TRAPPC9: variants seen among roughly 807,000 people sequenced by gnomAD.
TRAPPC9 encodes trafficking protein particle complex subunit 9.
In TRAPPC9, 83 loss-of-function variants were observed where a neutral mutation model predicts 124.0. The ratio of observed to expected loss-of-function variants is 0.67; its 90% confidence interval spans 0.56 to 0.80. The LOEUF (loss-of-function observed/expected upper bound fraction) is 0.80. Ranked by LOEUF, TRAPPC9 falls within the 30% of genes least tolerant of loss-of-function variation. The pLI, the probability that TRAPPC9 is intolerant of heterozygous loss-of-function variation, is 0.00. For synonymous variants in TRAPPC9, 638 were observed against 617.5 expected (o/e 1.03, Z -0.49); for missense variants, 1,302 against 1,508.3 (o/e 0.86, Z 2.27).
chr8:140,376,473 G>A (rs1438291743), intron 7 of TRAPPC9, among the ~76,000 whole-genome samples: 1 of 146,836 alleles, frequency 6.8e-6, no homozygotes, highest in African/African-American at 2.5e-5. Flanking sequence ...GGAGAATGGC[G>A]TGAACTTGGG....
intron 1 of TRAPPC9, among the ~76,000 whole-genome samples, chr8:140,452,922 A>C (rs2132717180): frequency 6.6e-6 from 1 of 152,326 alleles, no homozygotes; most frequent in East Asian, 1.9e-4. Context: ...AAATGAGGAT[A>C]GTAACACATA....
At chr8:140,110,933 C>A (rs1486736818) in intron 17 of TRAPPC9, among the ~76,000 whole-genome samples, 5 of 57,924 alleles carry the variant, frequency 8.6e-5, no homozygotes, top group East Asian at 4.9e-4. Flanking sequence ...GCAGCTCCCC[C>A]AAAGCTCCCC....
rs777425800 is a variant in TRAPPC9, at chr8:140,252,851, G to C, written c.2357C>G (p.Ala786Gly). Residue 786 changes from alanine to glycine, a missense_variant, in exon 16 of 23, where the codon GCC becomes GGC. Physicochemically the swap from Ala to Gly is moderately conservative, Grantham distance 60. Coordinates refer to ENST00000438773, the MANE Select transcript of TRAPPC9 (RefSeq NM_001160372.4). This position sits in a 1 kb window ranked among gnomAD's most constrained non-coding sequence, Gnocchi z 4.2. ...AQFPLQPGKVATFTINIKVKL... is the reference protein window; with the variant it reads ...AQFPLQPGKVGTFTINIKVKL... ...CACTTTGATGTTGATTGTGAACGTG[G>C]CCACCTTCCCAGGCTGCAAAGGGAA... 3 of 1,614,118 alleles carry C rather than the reference G, an allele frequency of 1.9e-6. No individual in the cohort carries two copies. The East Asian group carries it at 6.7e-5, about 36-fold the overall frequency.
intron 15 of TRAPPC9, among the ~76,000 whole-genome samples, chr8:140,273,655 C>G (rs760458403): frequency 2.0e-5 from 3 of 152,166 alleles, no homozygotes; most frequent in Non-Finnish European, 2.9e-5. Flanking sequence ...AGGCATCTGC[C>G]CAGGCCCCTC....
intron 21 of TRAPPC9, among the ~76,000 whole-genome samples, chr8:139,850,180 G>A (rs548511893): frequency 1.3e-5 from 2 of 152,370 alleles, no homozygotes; most frequent in East Asian, 1.9e-4. Context: ...ATGGGTATGA[G>A]GGACTGAGAA....
At chr8:140,136,350 C>T (rs1318094075) in intron 17 of TRAPPC9, among the ~76,000 whole-genome samples, 1 of 152,176 alleles carries the variant, frequency 6.6e-6, no homozygotes, top group East Asian at 1.9e-4. Flanking sequence ...GCACGAGGCC[C>T]GGCTGCCTGG....
intron 19 of TRAPPC9, among the ~76,000 whole-genome samples, chr8:139,914,610 C>G (rs1284152204): frequency 3.3e-5 from 5 of 152,220 alleles, no homozygotes; most frequent in Non-Finnish European, 7.3e-5. Context: ...GCCACCCGCA[C>G]CTAACAGCTG....
intron 20 of TRAPPC9, among the ~76,000 whole-genome samples, chr8:139,889,805 A>G (rs1402748171): frequency 1.3e-5 from 2 of 152,234 alleles, no homozygotes; most frequent in East Asian, 3.9e-4. Context: ...GCACTGGACA[A>G]GGACAGCCCC....
At position 139,731,972 on chromosome 8, in the gene TRAPPC9, C is replaced by G. The variant is rs1276820173; in HGVS notation, c.3279+7G>C. ...GCTCCCAGACCGCCTTGCACACCAC[C>G]ACGCACCGCGTCGAGGTAGAAGGTG... On this transcript the variant is annotated splice_region_variant and intron_variant, in intron 22 of 22. Coordinates refer to ENST00000438773, the MANE Select transcript of TRAPPC9 (RefSeq NM_001160372.4). 5.7e-6 allele frequency: 9 copies of G among 1,566,044 alleles called. No homozygotes were observed. The highest frequency in any genetic ancestry group is 7.8e-6 in the Non-Finnish European group (9 of 1,154,800).
At chr8:139,796,656 CTG>C (rs1222449204) in intron 21 of TRAPPC9, among the ~76,000 whole-genome samples, 2 of 152,184 alleles carry the variant, frequency 1.3e-5, no homozygotes, top group Non-Finnish European at 2.9e-5. Context: ...CATTCAGCAG[CTG>C]ATGAGCATTT....
intron 7 of TRAPPC9, among the ~76,000 whole-genome samples, chr8:140,391,700 G>A (rs369305900): frequency 2.1e-4 from 28 of 131,682 alleles, no homozygotes; most frequent in African/African-American, 7.1e-4. Flanking sequence ...CAACAACAGC[G>A]AAACTCTGTC....
At chr8:140,370,694 T>A (rs2068256163) in intron 8 of TRAPPC9, among the ~76,000 whole-genome samples, 1 of 152,228 alleles carries the variant, frequency 6.6e-6, no homozygotes, top group Non-Finnish European at 1.5e-5. Context: ...TTCCACTGTT[T>A]GATTGATGAT....
Position 140,059,313 on chromosome 8 carries a change from C to A in TRAPPC9, c.2557-35234G>T, listed in dbSNP as rs139322062. ...GGAGCAGCAGCTTGTTCCTTGTTGT[C>A]AGTAGCATTCCACAATACTACAACT... On this transcript the variant is annotated intron_variant, in intron 17 of 22. Coordinates refer to ENST00000438773, the MANE Select transcript of TRAPPC9 (RefSeq NM_001160372.4). Among the ~76,000 whole-genome samples, 8 of 152,314 alleles carry A rather than the reference C, an allele frequency of 5.3e-5. No homozygotes were observed. The East Asian group carries it at 1.5e-3, about 29-fold the overall frequency.
chr8:139,755,518 G>A (rs71514649), intron 21 of TRAPPC9, among the ~76,000 whole-genome samples: 15 of 142,032 alleles, frequency 1.1e-4, no homozygotes, highest in African/African-American at 2.7e-4. Flanking sequence ...ACAGCAGGTC[G>A]CAGGAGGAGC....
intron 21 of TRAPPC9, among the ~76,000 whole-genome samples, chr8:139,781,795 C>G (rs1235803762): frequency 6.6e-6 from 1 of 151,980 alleles, no homozygotes; most frequent in Non-Finnish European, 1.5e-5. Context: ...TGCTGTGAAC[C>G]TAAAACTGCT....
intron 6 of TRAPPC9, among the ~76,000 whole-genome samples, chr8:140,399,708 G>T (rs1346939394): frequency 6.6e-6 from 1 of 152,188 alleles, no homozygotes; most frequent in Non-Finnish European, 1.5e-5. Context: ...CCTTGTCTCA[G>T]ATGAGACTTT....
intron 21 of TRAPPC9, among the ~76,000 whole-genome samples, chr8:139,770,892 G>A (rs1040903309): frequency 2.0e-4 from 30 of 152,206 alleles, no homozygotes; most frequent in African/African-American, 5.3e-4. Context: ...GGCCCTGCCC[G>A]GGCCTGGCGG....
intron 20 of TRAPPC9, among the ~76,000 whole-genome samples, chr8:139,906,691 G>A (rs531248826): frequency 2.0e-5 from 3 of 152,120 alleles, no homozygotes; most frequent in African/African-American, 4.8e-5. Flanking sequence ...TTCCTGTGCC[G>A]CTCCCTTTGT....
intron 17 of TRAPPC9, among the ~76,000 whole-genome samples, chr8:140,129,365 A>G (rs146887168): frequency 4.8e-4 from 73 of 152,122 alleles, no homozygotes; most frequent in African/African-American, 1.7e-3. Flanking sequence ...CGTGTGTGAG[A>G]CCTCAGGGCC....
Sources: gnomAD v4.1 joint callset for allele counts (sites outside exome capture counted in the v4.1 genomes callset) on GRCh38, gnomAD v4.1.1 for gene constraint, Gnocchi (gnomAD v3.1) non-coding constraint, MANE v1.5 for transcripts, NCBI Gene and HGNC (gene_info 2026-07-23, HGNC 2026-07-21) for gene names.